The following ECHS1 variants were observed in gnomAD, a reference collection of about 807,000 sequenced individuals.
ECHS1 encodes enoyl-CoA hydratase, mitochondrial.
Under a neutral mutation model 33.5 loss-of-function variants are expected in ECHS1, and 19 were observed. That is an observed-to-expected ratio of 0.57 (90% CI 0.40 to 0.83). ECHS1 has a LOEUF of 0.83. ECHS1 is among the 40% of genes least tolerant of loss of function. The pLI is 0.00. For synonymous variants in ECHS1, 158 were observed against 146.6 expected (o/e 1.08, Z -0.56); for missense variants, 365 against 381.3 (o/e 0.96, Z 0.36).
rs1312532490 is a variant in ECHS1 at position 133,366,918 on chromosome 10, C to T, written c.590G>A (p.Arg197Gln). ...TTGCTTGGCGTCCTGGGCTGAGATCCGGTCACCAGTGAGGACCATCTCCAT... is the reference window on the plus strand; with the variant it reads ...TTGCTTGGCGTCCTGGGCTGAGATCTGGTCACCAGTGAGGACCATCTCCAT... ...LAMEMVLTGD[R>Q]ISAQDAKQAG... The change falls in exon 5 of 8, where the codon CGG (arginine) becomes CAG (glutamine). Residue 197 changes from arginine to glutamine, a missense_variant. Coordinates refer to ENST00000368547, the MANE Select transcript of ECHS1 (RefSeq NM_004092.4). 5.0e-6 allele frequency: 8 copies of T among 1,612,246 alleles called. No individual in the cohort carries two copies. Among genetic ancestry groups the T allele is most frequent in the Middle Eastern group, 1.7e-4 (1 of 6,046 alleles).
intron 5 of ECHS1, 110 bp downstream of exon 5, chr10:133,366,779 G>A (rs1442294594): frequency 1.3e-5 from 10 of 761,700 alleles, no homozygotes; most frequent in Middle Eastern, 3.6e-4. Flanking sequence ...ATGCTGCCCC[G>A]GGTTTCTGTG....
chr10:133,368,740 G>GC (rs776999922), intron 4 of ECHS1, among the ~76,000 whole-genome samples, 183 bp downstream of exon 4: 154 of 151,662 alleles, frequency 1.0e-3, no homozygotes, highest in Non-Finnish European at 1.5e-3. Flanking sequence ...GGACTCTAAG[G>GC]CCCCCCCCAA....
At chr10:133,368,673 G>A (rs959754362) in intron 4 of ECHS1, among the ~76,000 whole-genome samples, 10 of 152,230 alleles carry the variant, frequency 6.6e-5, no homozygotes, top group South Asian at 2.1e-4. Flanking sequence ...AGAAGCCAGC[G>A]TTACCCAGGA....
chr10:133,368,890 G>C (rs746889781), intron 4 of ECHS1, 33 bp downstream of exon 4: 3 of 1,591,572 alleles, frequency 1.9e-6, no homozygotes, highest in Middle Eastern at 3.3e-4. Flanking sequence ...AATTACCTAA[G>C]GCATCTATGC....
At chr10:133,372,679 A>G (rs1400699198) in intron 1 of ECHS1, among the ~76,000 whole-genome samples, 844 of 54,812 alleles carry the variant, frequency 0.015, 10 homozygotes, top group African/African-American at 0.11. Context: ...AGAGCCAGGC[A>G]GGGGGTGGGG....
At chr10:133,368,207 C>T (rs1849057471) in intron 4 of ECHS1, among the ~76,000 whole-genome samples, 1 of 152,214 alleles carries the variant, frequency 6.6e-6, no homozygotes, top group Non-Finnish European at 1.5e-5. Flanking sequence ...AGGGCCCTCC[C>T]CAGCCTCTGT....
chr10:133,367,777 G>T (rs574849391), intron 4 of ECHS1, among the ~76,000 whole-genome samples: 3 of 151,486 alleles, frequency 2.0e-5, no homozygotes, highest in Admixed American at 6.6e-5. Context: ...AGTGGAAGAA[G>T]AAAGAGTGAA....
chr10:133,371,182 C>G (rs1849103909), intron 1 of ECHS1, among the ~76,000 whole-genome samples: 1 of 151,988 alleles, frequency 6.6e-6, no homozygotes, highest in African/African-American at 2.4e-5. Context: ...GAGGCTGAGG[C>G]AGGAGAGTGG....
At chr10:133,373,142 G>C (rs1409352156) in intron 1 of ECHS1, 104 bp downstream of exon 1, 1 of 930,706 alleles carries the variant, frequency 1.1e-6, no homozygotes, top group Non-Finnish European at 1.5e-6. Context: ...TCAGGTGGGG[G>C]ATGCGGGGTC....
At chr10:133,369,079 T>A in intron 3 of ECHS1, 57 bp from the exon 4 acceptor site, 13 of 1,524,592 alleles carry the variant, frequency 8.5e-6, no homozygotes, top group Non-Finnish European at 1.2e-5. Context: ...CAGAAATCAC[T>A]CTGCTTGCTT....
rs538451079 is a variant in ECHS1, at chr10:133,371,617, C to T, written c.89-860G>A. 2.4e-4 allele frequency: 37 copies of T among 154,576 alleles called. No individual in the cohort carries two copies. The South Asian group carries it at 2.9e-3, about 12-fold the overall frequency. 9.6% of individuals were successfully genotyped at this position (154,576 alleles called of 1,614,324 possible). A position where few individuals can be genotyped will look rare whatever the true frequency, so the allele number is the denominator to read the frequency against. ...CCAGCCCGAAAATGGGAGACGCAGG[C>T]GCTTCTCGGTTGGCCTGCTGCACAG... On this transcript the variant is annotated intron_variant, in intron 1 of 7. Coordinates refer to ENST00000368547, the MANE Select transcript of ECHS1 (RefSeq NM_004092.4).
intron 7 of ECHS1, among the ~76,000 whole-genome samples, chr10:133,363,165 T>C (rs1848985940): frequency 2.6e-5 from 4 of 152,220 alleles, no homozygotes; most frequent in Admixed American, 1.3e-4. Flanking sequence ...CAGGAGCCAC[T>C]GTGTATGTCC....
chr10:133,370,867 C>T (rs1056142395), intron 1 of ECHS1, 110 bp from the exon 2 acceptor site: 4 of 1,102,358 alleles, frequency 3.6e-6, no homozygotes, highest in Non-Finnish European at 5.1e-6. Context: ...CCAAGAGGCC[C>T]TCTGAGGGCT....
intron 3 of ECHS1, 47 bp downstream of exon 3, chr10:133,369,857 G>T: frequency 6.2e-7 from 1 of 1,608,130 alleles, no homozygotes; most frequent in Non-Finnish European, 8.5e-7. Flanking sequence ...TGCACAGCAC[G>T]GTTCCTTCAA....
At chr10:133,368,865 A>G (rs1849067322) in intron 4 of ECHS1, 58 bp downstream of exon 4, 1 of 1,518,538 alleles carries the variant, frequency 6.6e-7, no homozygotes, top group South Asian at 1.1e-5. Flanking sequence ...CCTGAGACAC[A>G]GGCAGATTTT....
In ECHS1 at chr10:133,362,781, G is replaced by T; in HGVS notation, c.*87C>A. 2 of 1,467,930 alleles carry T rather than the reference G, an allele frequency of 1.4e-6. No homozygotes were observed. Among genetic ancestry groups the T allele is most frequent in the Non-Finnish European group, 1.9e-6 (2 of 1,047,410 alleles). The allele number at this position is 1,467,930 out of a possible 1,614,324, so 90.9% of individuals were successfully genotyped here. ...ACTGCACACCACGGACACTGCTCTT[G>T]AAAAGAGGATGATTTACTTGCTTCT... On this transcript the variant is annotated 3_prime_UTR_variant, in exon 8 of 8. Transcript: ENST00000368547.
Position 133,364,704 on chromosome 10 carries a change from T to C in ECHS1, c.761A>G (p.Glu254Gly). The C allele has an allele frequency of 6.2e-7, 1 of 1,613,778 alleles. No individual in the cohort carries two copies. Among genetic ancestry groups the C allele is most frequent in the Non-Finnish European group, 8.5e-7 (1 of 1,179,756 alleles). The change falls in exon 7 of 8, where the codon GAA (glutamate) becomes GGA (glycine). Residue 254 changes from glutamate (E) to glycine (G), a missense_variant. Physicochemically the swap from Glu to Gly is moderately conservative, Grantham distance 98. Coordinates refer to ENST00000368547, the MANE Select transcript of ECHS1 (RefSeq NM_004092.4). ...GAGTTTCTTCTCCAACTTACTTCCT[T>C]CTGTTAATGTCATTTCAAAAGCTGA... ...VNAAFEMTLT[E>G]GSKLEKKLFY... is the part of the protein sequence containing the mutation.
At position 133,370,653 on chromosome 10, in the gene ECHS1, G is replaced by C. The variant is rs1248256409; in HGVS notation, c.193C>G (p.Leu65Val). 6.2e-7 allele frequency: 1 copy of C among 1,613,216 alleles called. No homozygotes were observed. Among genetic ancestry groups the C allele is most frequent in the Non-Finnish European group, 8.5e-7 (1 of 1,179,820 alleles). The change falls in exon 2 of 8, where the codon CTG becomes GTG. Residue 65 changes from leucine (L) to valine (V), a missense_variant. Transcript: ENST00000368547. The part of the protein sequence containing the change: ...PKALNALCDG[L>V]IDELNQALKT... ...AGGGCCTGGTTGAGCTCGTCAATCA[G>C]GCCATCGCAAAGTGCATTGAGGGCC...
intron 4 of ECHS1, among the ~76,000 whole-genome samples, chr10:133,367,432 GA>G (rs1849048200): frequency 6.6e-6 from 1 of 151,408 alleles, no homozygotes; most frequent in African/African-American, 2.5e-5. Flanking sequence ...GTCAGGTGCT[GA>G]AGGCACATTG....
Sources: gnomAD v4.1 joint callset for allele counts (sites outside exome capture counted in the v4.1 genomes callset) on GRCh38, gnomAD v4.1.1 for gene constraint, MANE v1.5 for transcripts, NCBI Gene and HGNC (gene_info 2026-07-23, HGNC 2026-07-21) for gene names.